The following CD24 variants were observed in gnomAD, a reference collection of about 807,000 sequenced individuals.
CD24 encodes signal transducer CD24.
In CD24, 2 loss-of-function variants were observed where a neutral mutation model predicts 3.6. That is an observed-to-expected ratio of 0.56 (90% CI 0.23 to 1.77). The LOEUF (loss-of-function observed/expected upper bound fraction) is 1.77. Among genes scored for constraint, CD24 ranks in the 40% most tolerant of loss-of-function variants. The pLI is 0.18. For missense variants in CD24, 62 were observed against 93.6 expected, an observed-to-expected ratio of 0.66 and a Z score of 1.39; for synonymous variants, 33 against 44.9, an observed-to-expected ratio of 0.74 and a Z score of 1.06.
Position 106,971,597 on chromosome 6 carries a change from G to A in CD24, c.*64C>T. 1 of 1,396,308 alleles carries A rather than the reference G, an allele frequency of 7.2e-7. No homozygotes were observed. The highest frequency in any genetic ancestry group is 9.8e-7 in the Non-Finnish European group (1 of 1,023,746). 86.5% of individuals were successfully genotyped at this position (1,396,308 alleles called of 1,614,324 possible). On this transcript the variant is annotated 3_prime_UTR_variant, in exon 2 of 2. Transcript: ENST00000606017. Reference sequence around the variant, plus strand: ...TTTTCCTTGCCACATTGGACTTCCAGACGCCATTTGGATTGGGTTTAGAAG... The same window carrying A: ...TTTTCCTTGCCACATTGGACTTCCAAACGCCATTTGGATTGGGTTTAGAAG...
intron 1 of CD24, chr6:106,973,890 C>T: frequency 2.5e-6 from 1 of 398,610 alleles, no homozygotes. Flanking sequence ...CACCATGCTG[C>T]CTCCCCAGAA....
intron 1 of CD24, chr6:106,973,980 C>T: frequency 2.5e-6 from 1 of 398,216 alleles, no homozygotes; most frequent in Non-Finnish European, 4.4e-6. Flanking sequence ...GCAGAGAGCG[C>T]AGCGTCAGGA....
upstream of CD24, among the ~76,000 whole-genome samples, chr6:106,976,689 A>T (rs980286134): frequency 1.3e-5 from 2 of 152,068 alleles, no homozygotes; most frequent in East Asian, 1.9e-4. Context: ...AGTCTCTACT[A>T]AAATTTAGTC....
At chr6:106,974,489 G>A in intron 1 of CD24, 89 bp downstream of exon 1, 1 of 729,550 alleles carries the variant, frequency 1.4e-6, no homozygotes, top group South Asian at 2.3e-5. Flanking sequence ...CGAGGCAGGA[G>A]CGCAGGACGG....
intron 1 of CD24, 61 bp downstream of exon 1, chr6:106,974,517 C>G (rs1281358166): frequency 1.0e-6 from 1 of 996,398 alleles, no homozygotes; most frequent in African/African-American, 1.7e-5. Context: ...GGACCGGGTC[C>G]ATCTCCCCTG....
Position 106,974,715 on chromosome 6 carries a change from G to C in CD24, c.-69C>G, listed in dbSNP as rs1278657944. The C allele has an allele frequency of 1.4e-6, 2 of 1,461,306 alleles. No individual in the cohort carries two copies. The highest frequency in any genetic ancestry group is 1.8e-6 in the Non-Finnish European group (2 of 1,110,456). 90.5% of individuals were successfully genotyped at this position (1,461,306 alleles called of 1,614,324 possible). On this transcript the variant is annotated 5_prime_UTR_variant, in exon 1 of 2. Coordinates refer to ENST00000606017, the MANE Select transcript of CD24 (RefSeq NM_001359084.1). Reference sequence around the variant, plus strand: ...GCTTGGAGAACCGCTGGCTCCGGGCGGGCGCAGGCAAGGTGGGGAGCGCGG... The same window carrying C: ...GCTTGGAGAACCGCTGGCTCCGGGCCGGCGCAGGCAAGGTGGGGAGCGCGG...
chr6:106,971,220 T>C lies in CD24; in HGVS notation c.*441A>G, dbSNP rs1425751136. 1 of 178,868 alleles carries C rather than the reference T, an allele frequency of 5.6e-6. No homozygotes were observed. Among genetic ancestry groups the C allele is most frequent in the Non-Finnish European group, 1.2e-5 (1 of 86,916 alleles). The allele number at this position is 178,868 out of a possible 1,614,324, so 11.1% of individuals were successfully genotyped here. ...CTGGAAGTTCCTTCTCATGTACATATAAATAGAATCATGGAAGCTTTTTAT... is the reference window on the plus strand; with the variant it reads ...CTGGAAGTTCCTTCTCATGTACATACAAATAGAATCATGGAAGCTTTTTAT... On this transcript the variant is annotated 3_prime_UTR_variant, in exon 2 of 2. Coordinates refer to ENST00000606017, the MANE Select transcript of CD24 (RefSeq NM_001359084.1).
rs1486821636 is a variant in CD24, at chr6:106,973,328, A to G, written c.69+1250T>C. ...AACTTCTCACTTACAATGTTGGAGG[A>G]AAAAAATCTGGTCGGAGAGAAGATG... On this transcript the variant is annotated intron_variant, in intron 1 of 1. Transcript: ENST00000606017. 5 of 251,120 alleles carry G rather than the reference A, an allele frequency of 2.0e-5. No homozygotes were observed. The South Asian group carries it at 8.7e-4, about 44-fold the overall frequency. 15.6% of individuals were successfully genotyped at this position (251,120 alleles called of 1,614,324 possible). A position where few individuals can be genotyped will look rare whatever the true frequency, so the allele number is the denominator to read the frequency against.
At chr6:106,973,024 T>C (rs1275130918) in intron 1 of CD24, among the ~76,000 whole-genome samples, 1 of 152,138 alleles carries the variant, frequency 6.6e-6, no homozygotes, top group Non-Finnish European at 1.5e-5. Context: ...ATTTAGTGTG[T>C]CCCATCAGGA....
intron 1 of CD24, among the ~76,000 whole-genome samples, chr6:106,973,077 C>T (rs1773012563): frequency 6.6e-6 from 1 of 152,146 alleles, no homozygotes; most frequent in Admixed American, 6.5e-5. Flanking sequence ...TGGTAATTTA[C>T]TTAAAACAGG....
At chr6:106,974,246 A>C (rs2114901192) in intron 1 of CD24, among the ~76,000 whole-genome samples, 1 of 152,272 alleles carries the variant, frequency 6.6e-6, no homozygotes, top group African/African-American at 2.4e-5. Flanking sequence ...TAATCCCTGC[A>C]GGCACCTCGG....
chr6:106,971,736 C>A lies in CD24; in HGVS notation c.168G>T (p.Lys56Asn), dbSNP rs1436580574. ...LAPNPTNATT[K>N]AAGGALQSTA... ...TTGACTGCAGGGCACCACCAGCCGC[C>A]TTGGTGGTGGCATTAGTTGGATTTG... is the stretch of plus-strand genomic sequence containing the variant. The change falls in exon 2 of 2, where the codon AAG becomes AAT. Residue 56 changes from lysine to asparagine, a missense_variant. Coordinates refer to ENST00000606017, the MANE Select transcript of CD24 (RefSeq NM_001359084.1). 16 of 1,549,682 alleles carry A rather than the reference C, an allele frequency of 1.0e-5. No homozygotes were observed. Among genetic ancestry groups the A allele is most frequent in the Non-Finnish European group, 1.4e-5 (16 of 1,145,356 alleles).
At chr6:106,971,869 C>T (rs1772980787) in intron 1 of CD24, 35 bp from the exon 2 acceptor site, 32 of 1,363,186 alleles carry the variant, frequency 2.3e-5, no homozygotes, top group Non-Finnish European at 3.3e-5. Context: ...GATACATTTC[C>T]ACATCACAGC....
At position 106,971,558 on chromosome 6, in the gene CD24, C is replaced by T. The variant is rs1402983912; in HGVS notation, c.*103G>A. Reference sequence around the variant, plus strand: ...ATAAAAGGTGTGGAATTAGTAGATTCGATGAAGACCTGTTTTTCCTTGCCA... The same window carrying T: ...ATAAAAGGTGTGGAATTAGTAGATTTGATGAAGACCTGTTTTTCCTTGCCA... On this transcript the variant is annotated 3_prime_UTR_variant, in exon 2 of 2. Coordinates refer to ENST00000606017, the MANE Select transcript of CD24 (RefSeq NM_001359084.1). The T allele has an allele frequency of 2.5e-5, 18 of 733,216 alleles. No homozygotes were observed. The East Asian group carries it at 3.8e-4, about 15-fold the overall frequency. The allele number at this position is 733,216 out of a possible 1,614,324, so 45.4% of individuals were successfully genotyped here.
At position 106,970,124 on chromosome 6, in the gene CD24, A is replaced by G. The variant is rs1335604356; in HGVS notation, c.*1537T>C. ...AACATCTAAGCATCAGTGTGTGACC[A>G]TGCGAACAAAAGACTTCGGGGAGTG... On this transcript the variant is annotated 3_prime_UTR_variant, in exon 2 of 2. Coordinates refer to ENST00000606017, the MANE Select transcript of CD24 (RefSeq NM_001359084.1). 1 of 152,602 alleles carries G rather than the reference A, an allele frequency of 6.6e-6. No homozygotes were observed. Among genetic ancestry groups the G allele is most frequent in the African/African-American group, 2.4e-5 (1 of 41,456 alleles). 9.5% of individuals were successfully genotyped at this position (152,602 alleles called of 1,614,324 possible).
chr6:106,976,652 T>C (rs1217770176), upstream of CD24, among the ~76,000 whole-genome samples: 1 of 152,206 alleles, frequency 6.6e-6, no homozygotes, highest in Non-Finnish European at 1.5e-5. Flanking sequence ...CAGACCAACC[T>C]GACCAACATG....
chr6:106,971,868 C>A, intron 1 of CD24, 34 bp from the exon 2 acceptor site: 1 of 1,389,574 alleles, frequency 7.2e-7, no homozygotes, highest in Non-Finnish European at 1.0e-6. Context: ...GGATACATTT[C>A]CACATCACAG....
At position 106,970,362 on chromosome 6, in the gene CD24, T is replaced by C. The variant is rs1772939606; in HGVS notation, c.*1299A>G. The stretch of plus-strand genomic sequence containing the variant: ...AGAGTATAAAAGTTTGTGAATTTAA[T>C]GCAAATTAGCTTCCAGTCTTCACTT... On this transcript the variant is annotated 3_prime_UTR_variant, in exon 2 of 2. Transcript: ENST00000606017. The C allele has an allele frequency of 6.6e-6, 1 of 151,702 alleles. No homozygotes were observed. The highest frequency in any genetic ancestry group is 6.6e-5 in the Admixed American group (1 of 15,226). 9.4% of individuals were successfully genotyped at this position (151,702 alleles called of 1,614,324 possible).
chr6:106,975,337 G>GGGCGT (rs1773084495), upstream of CD24: 1 of 152,098 alleles, frequency 6.6e-6, no homozygotes, highest in Non-Finnish European at 1.5e-5. Flanking sequence ...GGAACGCGGC[G>GGGCGT]GGCGTGGCGC....
Sources: gnomAD v4.1 joint callset for allele counts (sites outside exome capture counted in the v4.1 genomes callset) on GRCh38, gnomAD v4.1.1 for gene constraint, MANE v1.5 for transcripts, NCBI Gene and HGNC (gene_info 2026-07-23, HGNC 2026-07-21) for gene names.